Variants in HS3ST5 observed in about 807,000 individuals in gnomAD.
HS3ST5 encodes heparan sulfate-glucosamine 3-sulfotransferase 5, also known as heparan sulfate glucosamine 3-O-sulfotransferase 5.
Under a neutral mutation model 25.4 loss-of-function variants are expected in HS3ST5, and 10 were observed. That is an observed-to-expected ratio of 0.39 (90% CI 0.24 to 0.67). The LOEUF is 0.67. Among genes scored for constraint, HS3ST5 ranks in the 30% least tolerant of loss-of-function variants. HS3ST5 has a pLI of 0.44. For synonymous variants in HS3ST5, 170 were observed against 162.4 expected (o/e 1.05, Z -0.36); for missense variants, 324 against 420.7 (o/e 0.77, Z 2.01).
intron 3 of HS3ST5, among the ~76,000 whole-genome samples, chr6:114,115,902 T>C (rs1776503243): frequency 6.6e-6 from 1 of 152,120 alleles, no homozygotes; most frequent in African/African-American, 2.4e-5. Flanking sequence ...TGAGGTCATG[T>C]TGATATATGA....
At chr6:114,128,680 T>A (rs140295137) in intron 3 of HS3ST5, among the ~76,000 whole-genome samples, 18 of 152,328 alleles carry the variant, frequency 1.2e-4, no homozygotes, top group African/African-American at 4.3e-4. Context: ...TGTATTTTCA[T>A]CTTGTAATTT....
At chr6:114,297,104 G>C (rs2114794873) in intron 1 of HS3ST5, among the ~76,000 whole-genome samples, 1 of 152,244 alleles carries the variant, frequency 6.6e-6, no homozygotes, top group East Asian at 1.9e-4. Context: ...TCTTTATAGA[G>C]AGATGGACAG....
intron 1 of HS3ST5, among the ~76,000 whole-genome samples, chr6:114,265,723 C>A (rs1056724313): frequency 5.3e-5 from 8 of 152,126 alleles, no homozygotes; most frequent in African/African-American, 1.9e-4. Flanking sequence ...ACTAATATAC[C>A]TAACACATTT....
chr6:114,266,905 A>G (rs1040107058), intron 1 of HS3ST5, among the ~76,000 whole-genome samples: 1 of 152,202 alleles, frequency 6.6e-6, no homozygotes, highest in Non-Finnish European at 1.5e-5. Flanking sequence ...ATTGCAAAAA[A>G]TATGTTTGGT....
At chr6:114,083,578 A>G (rs950237841) in intron 3 of HS3ST5, among the ~76,000 whole-genome samples, 9 of 152,226 alleles carry the variant, frequency 5.9e-5, no homozygotes, top group African/African-American at 1.9e-4. Flanking sequence ...AACTATTCAT[A>G]CTTTGAAAGC....
chr6:114,341,222 GGAGA>G (rs4034605), intron 1 of HS3ST5, among the ~76,000 whole-genome samples: 1,663 of 46,592 alleles, frequency 0.036, 12 homozygotes, highest in African/African-American at 0.058. Context: ...GGAGAGAGGG[GGAGA>G]GAGAGAGAGA....
At chr6:114,334,765 A>T (rs1776541148) in intron 1 of HS3ST5, among the ~76,000 whole-genome samples, 1 of 152,242 alleles carries the variant, frequency 6.6e-6, no homozygotes, top group Non-Finnish European at 1.5e-5. Context: ...ATCAGCTAAC[A>T]ATGCATATCC....
chr6:114,178,937 A>G (rs1415109525), intron 2 of HS3ST5: 1 of 151,980 alleles, frequency 6.6e-6, no homozygotes, highest in Admixed American at 6.6e-5. Flanking sequence ...TCCTTCATGC[A>G]TTTTTGAAAA....
intron 3 of HS3ST5, among the ~76,000 whole-genome samples, chr6:114,091,166 T>C (rs1775097755): frequency 1.3e-5 from 2 of 152,208 alleles, no homozygotes; most frequent in Admixed American, 6.5e-5. Context: ...ATTAAGATTT[T>C]CTTGTAGGAT....
At chr6:114,186,302 T>G (rs1177524456) in intron 2 of HS3ST5, among the ~76,000 whole-genome samples, 1 of 152,082 alleles carries the variant, frequency 6.6e-6, no homozygotes, top group Admixed American at 6.5e-5. Flanking sequence ...AGCCAAGTTG[T>G]GCAAGCAAAG....
At chr6:114,154,263 C>T (rs1015002103) in intron 3 of HS3ST5, among the ~76,000 whole-genome samples, 2 of 152,022 alleles carry the variant, frequency 1.3e-5, no homozygotes, top group Admixed American at 1.3e-4. Context: ...AGTGGGAAGG[C>T]GAGGTGAGTG....
intron 1 of HS3ST5, among the ~76,000 whole-genome samples, chr6:114,341,227 G>A (rs1776844603): frequency 7.9e-6 from 1 of 126,904 alleles, no homozygotes; most frequent in South Asian, 2.9e-4. Flanking sequence ...GAGGGGGAGA[G>A]AGAGAGAGAG....
At chr6:114,193,272 G>A (rs1780590141) in intron 2 of HS3ST5, among the ~76,000 whole-genome samples, 1 of 152,182 alleles carries the variant, frequency 6.6e-6, no homozygotes, top group Admixed American at 6.5e-5. Context: ...TGTTATGGGA[G>A]CTGAAGAAAA....
chr6:114,077,965 T>G (rs779597352), intron 3 of HS3ST5, among the ~76,000 whole-genome samples: 1 of 152,226 alleles, frequency 6.6e-6, no homozygotes, highest in Non-Finnish European at 1.5e-5. Context: ...ATGTATTTCT[T>G]TCATAATGAC....
intron 2 of HS3ST5, among the ~76,000 whole-genome samples, chr6:114,228,104 G>A (rs1319180968): frequency 1.3e-5 from 2 of 152,154 alleles, no homozygotes; most frequent in African/African-American, 4.8e-5. Flanking sequence ...TGTATTGAAT[G>A]TCACTTTCAG....
At chr6:114,184,748 C>T (rs1169855182) in intron 2 of HS3ST5, among the ~76,000 whole-genome samples, 1 of 152,214 alleles carries the variant, frequency 6.6e-6, no homozygotes, top group Non-Finnish European at 1.5e-5. Context: ...ATTGCTACCC[C>T]GGTGGGGCCG....
chr6:114,203,004 G>C (rs1781099245), intron 2 of HS3ST5, among the ~76,000 whole-genome samples: 1 of 152,168 alleles, frequency 6.6e-6, no homozygotes. Flanking sequence ...CAACTCTCTT[G>C]TTTTGTAATC....
intron 3 of HS3ST5, among the ~76,000 whole-genome samples, chr6:114,127,253 C>T (rs552884909): frequency 3.3e-5 from 5 of 152,064 alleles, no homozygotes; most frequent in African/African-American, 1.2e-4. Flanking sequence ...CAAATTCCTC[C>T]GTTATTGGAA....
At chr6:114,156,599 A>G (rs1778708658) in intron 3 of HS3ST5, among the ~76,000 whole-genome samples, 3 of 152,198 alleles carry the variant, frequency 2.0e-5, no homozygotes, top group Admixed American at 2.0e-4. Flanking sequence ...GGTTTGCTCA[A>G]AGCCAGCCTC....
Sources: allele counts gnomAD v4.1 joint callset (sites outside exome capture counted in the v4.1 genomes callset), GRCh38; gene constraint gnomAD v4.1.1; transcripts MANE v1.5; gene names NCBI Gene and HGNC (gene_info 2026-07-23, HGNC 2026-07-21).